NAV2: variants seen among roughly 807,000 people sequenced by gnomAD.
NAV2 encodes helicase, APC down-regulated 1.
A neutral mutation model predicts 223.2 loss-of-function variants in NAV2; 54 were observed. The ratio of observed to expected loss-of-function variants is 0.24; its 90% CI spans 0.19 to 0.30. NAV2 has a LOEUF of 0.30. Ranked by LOEUF, NAV2 falls within the 10% of genes least tolerant of loss-of-function variation. The pLI, the probability that NAV2 is intolerant of heterozygous loss-of-function variation, is 1.00. For synonymous variants in NAV2, 1,279 were observed against 1,239.3 expected (o/e 1.03, Z -0.67); for missense variants, 2,806 against 3,147.5 (o/e 0.89, Z 2.60).
At chr11:19,349,313 C>G (rs118186576), upstream of NAV2, among the ~76,000 whole-genome samples, 2,320 of 152,332 alleles carry the variant, frequency 0.015, 35 homozygotes, top group Non-Finnish European at 0.02. Flanking sequence ...TCCCAAGCAT[C>G]TGCTAGTCCT....
chr11:20,107,712 T>C lies in NAV2; in HGVS notation c.6890T>C (p.Val2297Ala), dbSNP rs1193453456. Residue 2297 changes from valine to alanine, a missense_variant, in exon 36 of 38, where the codon GTG becomes GCG. By Grantham distance (64) the Val-to-Ala change is moderately conservative (BLOSUM62 0). Transcript: ENST00000349880. ...CCCATCGATGTGGACGGCTCGAGAG[T>C]GTGGTTCACCGACTTGTGGAACTAT... ...SCPIDVDGSR[V>A]WFTDLWNYSI... 1 of 1,613,926 alleles carries C rather than the reference T, an allele frequency of 6.2e-7. No individual in the cohort carries two copies. The highest frequency in any genetic ancestry group is 1.7e-5 in the Admixed American group (1 of 60,004).
intron 6 of NAV2, among the ~76,000 whole-genome samples, chr11:19,898,233 G>A (rs982414877): frequency 1.1e-4 from 17 of 151,824 alleles, no homozygotes; most frequent in African/African-American, 2.7e-4. Flanking sequence ...CTTGATTTTC[G>A]TTACAAAAAT....
chr11:19,753,514 C>T (rs893022179), intron 1 of NAV2, among the ~76,000 whole-genome samples: 1 of 152,232 alleles, frequency 6.6e-6, no homozygotes, highest in Non-Finnish European at 1.5e-5. Flanking sequence ...GGCAGTTCCT[C>T]TTTGGGTTTA....
chr11:19,592,165 G>A (rs558712097), intron 1 of NAV2, among the ~76,000 whole-genome samples: 38 of 152,100 alleles, frequency 2.5e-4, no homozygotes, highest in Non-Finnish European at 4.1e-4. Context: ...CTCATTCAGC[G>A]CCTATCTTCA....
intron 1 of NAV2, among the ~76,000 whole-genome samples, chr11:19,540,271 C>T (rs2044304809): frequency 6.6e-6 from 1 of 152,162 alleles, no homozygotes; most frequent in Non-Finnish European, 1.5e-5. Flanking sequence ...TCTAGCTCCT[C>T]TCCTCCTTGC....
At chr11:19,474,331 A>G (rs189145161) in intron 1 of NAV2, among the ~76,000 whole-genome samples, 1 of 152,394 alleles carries the variant, frequency 6.6e-6, no homozygotes, top group East Asian at 1.9e-4. Flanking sequence ...ATTTTGGGGC[A>G]TGTTAGAAAG....
intron 1 of NAV2, among the ~76,000 whole-genome samples, chr11:19,745,846 C>T (rs1440660340): frequency 6.6e-6 from 1 of 152,160 alleles, no homozygotes; most frequent in Non-Finnish European, 1.5e-5. Context: ...CACTCACCTC[C>T]TGCTGTGCAG....
intron 1 of NAV2, among the ~76,000 whole-genome samples, chr11:19,657,202 C>T (rs2048151966): frequency 2.0e-5 from 3 of 152,060 alleles, no homozygotes; most frequent in Admixed American, 6.5e-5. Context: ...CAACCTAGCC[C>T]TCTGGTATTT....
In NAV2 at chr11:20,045,381, G is replaced by T; in HGVS notation, c.3613G>T (p.Ala1205Ser). ...RPSKSNSRNG[A>S]GNRSSTSSID... ...CAGTAAGTCCAACAGCCGGAACGGGGCTGGGAACAGGTCTAGCACCAGCAG... is the reference window on the plus strand; with the variant it reads ...CAGTAAGTCCAACAGCCGGAACGGGTCTGGGAACAGGTCTAGCACCAGCAG... Residue 1205 changes from alanine (A) to serine (S), a missense_variant, in exon 14 of 38, where the codon GCT (alanine) becomes TCT (serine). By Grantham distance (99) the Ala-to-Ser change is moderately conservative (BLOSUM62 1). Transcript: ENST00000349880. 1 of 1,614,198 alleles carries T rather than the reference G, an allele frequency of 6.2e-7. No homozygotes were observed. The highest frequency in any genetic ancestry group is 8.5e-7 in the Non-Finnish European group (1 of 1,180,036).
rs1331050106 is a variant in NAV2, at chr11:20,106,149, GTGTGTGTATATATATATATATATATA to G, written c.6841+430_6841+455del. ...TTTTTCTGTCCTTGTTCATATGTGT[GTGTGTGTATATATATATATATATATA>G]TGTGTGTGTATATATATATATATAT... On this transcript the variant is annotated intron_variant, in intron 35 of 37. Coordinates refer to ENST00000349880, the MANE Select transcript of NAV2 (RefSeq NM_145117.5). 2.2e-3 allele frequency among the ~76,000 whole-genome samples: 46 copies of G among 20,668 alleles called. 2 individuals are homozygous for G. In the East Asian group the frequency reaches 0.031, roughly 14 times the overall value. 13.6% of individuals were successfully genotyped at this position (20,668 alleles called of 152,430 possible).
At chr11:19,901,075 C>G (rs940939592) in intron 6 of NAV2, among the ~76,000 whole-genome samples, 6 of 152,322 alleles carry the variant, frequency 3.9e-5, no homozygotes, top group Non-Finnish European at 7.4e-5. Context: ...CATGAGCCAT[C>G]TCATCATCCC....
chr11:19,888,083 T>C (rs376856338), intron 5 of NAV2, among the ~76,000 whole-genome samples: 15 of 152,252 alleles, frequency 9.9e-5, no homozygotes, highest in African/African-American at 3.6e-4. Context: ...AAATTGACCA[T>C]GGCTCTAACA....
chr11:19,494,453 C>A (rs1005254188), intron 1 of NAV2, among the ~76,000 whole-genome samples: 3 of 152,188 alleles, frequency 2.0e-5, no homozygotes, highest in Middle Eastern at 3.2e-3. Context: ...GGCTGATATG[C>A]CATTTAATCC....
chr11:19,460,160 A>G (rs569115677), intron 1 of NAV2, among the ~76,000 whole-genome samples: 9 of 152,338 alleles, frequency 5.9e-5, no homozygotes, highest in Middle Eastern at 3.4e-3. Flanking sequence ...CACATAGTCA[A>G]TACACAACAA....
chr11:19,942,599 CAT>C (rs1283456818), intron 8 of NAV2, among the ~76,000 whole-genome samples: 6 of 152,304 alleles, frequency 3.9e-5, no homozygotes, highest in African/African-American at 1.4e-4. Flanking sequence ...ACTGACCAAA[CAT>C]GTGTTGTATA....
At chr11:19,935,851 GT>G (rs765632685) in intron 7 of NAV2, among the ~76,000 whole-genome samples, 810 of 52,702 alleles carry the variant, frequency 0.015, 1 homozygote, top group African/African-American at 0.054. Context: ...TTTTGTTTCT[GT>G]TTTTTTTTTT....
chr11:19,754,753 C>G (rs1439244277), intron 1 of NAV2, among the ~76,000 whole-genome samples: 4 of 152,166 alleles, frequency 2.6e-5, no homozygotes, highest in Non-Finnish European at 5.9e-5. Flanking sequence ...TTAGATTTGA[C>G]TGGTTATTTT....
chr11:19,502,327 G>T (rs563519107), intron 1 of NAV2, among the ~76,000 whole-genome samples: 66 of 152,234 alleles, frequency 4.3e-4, no homozygotes, highest in Admixed American at 1.4e-3. Context: ...TACCTCATAG[G>T]CTTGTTCTGA....
intron 1 of NAV2, among the ~76,000 whole-genome samples, chr11:19,353,613 G>A (rs1853449312): frequency 1.3e-5 from 2 of 152,184 alleles, no homozygotes; most frequent in South Asian, 4.1e-4. Context: ...ATGTAGCTGG[G>A]AAGGACTTTG....
Sources: allele counts gnomAD v4.1 joint callset (sites outside exome capture counted in the v4.1 genomes callset), GRCh38; gene constraint gnomAD v4.1.1; transcripts MANE v1.5; gene names NCBI Gene and HGNC (gene_info 2026-07-23, HGNC 2026-07-21).